COG1: variants seen among roughly 807,000 people sequenced by gnomAD.
COG1 encodes conserved oligomeric Golgi complex subunit 1.
COG1 carries 61 observed loss-of-function variants against 102.2 expected under a neutral mutation model. That is an observed-to-expected ratio of 0.60 (90% CI 0.49 to 0.74). The LOEUF (loss-of-function observed/expected upper bound fraction) is 0.74, where lower values mean the gene tolerates loss of function less well. COG1 is among the 30% of genes least tolerant of loss of function. COG1 has a pLI of 0.00. For synonymous variants in COG1, 454 were observed against 493.6 expected, an observed-to-expected ratio of 0.92 and a Z score of 1.06; for missense variants, 1,164 against 1,232.1, an observed-to-expected ratio of 0.94 and a Z score of 0.83.
rs552444067 is a variant in COG1 at position 73,197,145 on chromosome 17, G to A, written c.742+64G>A. On this transcript the variant is annotated intron_variant, in intron 3 of 13. Coordinates refer to ENST00000299886, the MANE Select transcript of COG1 (RefSeq NM_018714.3). ...TGGGATGGAGAAGGGTGAGCTGCGG[G>A]AGACTGAAGCCTCCAGAGCGTCCTC... The A allele has an allele frequency of 1.2e-5, 19 of 1,612,354 alleles. No homozygotes were observed. The African/African-American group carries it at 2.5e-4, about 21-fold the overall frequency.
At position 73,201,097 on chromosome 17, in the gene COG1, A is replaced by C. The variant is rs751375454; in HGVS notation, c.1282-12A>C. 1.2e-5 allele frequency: 20 copies of C among 1,612,186 alleles called. No individual in the cohort carries two copies. The highest frequency in any genetic ancestry group is 1.5e-5 in the Non-Finnish European group (18 of 1,178,580). On this transcript the variant is annotated splice_polypyrimidine_tract_variant and intron_variant, in intron 6 of 13. Coordinates refer to ENST00000299886, the MANE Select transcript of COG1 (RefSeq NM_018714.3). ...GAACTGTGATTAGAACTCTTCTCTC[A>C]TTCTCTTTTAGACTCTGACAAAAGA...
At position 73,206,281 on chromosome 17, in the gene COG1, A is replaced by G. The variant is rs1015750254; in HGVS notation, c.2619+19A>G. 4 of 1,591,140 alleles carry G rather than the reference A, an allele frequency of 2.5e-6. No individual in the cohort carries two copies. Among genetic ancestry groups the G allele is most frequent in the Non-Finnish European group, 3.5e-6 (4 of 1,158,970 alleles). On this transcript the variant is annotated intron_variant, in intron 11 of 13. Transcript: ENST00000299886. The stretch of plus-strand genomic sequence containing the variant: ...AACTTCTGTGAGTCAAATCAAAAAC[A>G]TGCTTAGTGCGAACGAAGCGATACA...
At chr17:73,202,579 G>A (rs184915959) in intron 7 of COG1, among the ~76,000 whole-genome samples, 1 of 152,184 alleles carries the variant, frequency 6.6e-6, no homozygotes, top group Non-Finnish European at 1.5e-5. Flanking sequence ...TGTGAACCCA[G>A]GAATTCAAGA....
chr17:73,200,477 G>A, intron 5 of COG1, 89 bp from the exon 6 acceptor site: 2 of 1,098,268 alleles, frequency 1.8e-6, no homozygotes, highest in Non-Finnish European at 1.4e-6. Context: ...TCAGATAAGA[G>A]ATTGTCAAAT....
chr17:73,200,562 G>T lies in COG1; in HGVS notation c.1071-4G>T, dbSNP rs777005207. The T allele has an allele frequency of 1.9e-6, 3 of 1,613,088 alleles. No homozygotes were observed. The South Asian group carries it at 3.3e-5, about 18-fold the overall frequency. On this transcript the variant is annotated splice_polypyrimidine_tract_variant and splice_region_variant and intron_variant, in intron 5 of 13. Transcript: ENST00000299886. ...GGAGCCCAAAGAACATGATTCTGTT[G>T]CAGGTGTAATGAAGACATTAAAAAT... is the stretch of plus-strand genomic sequence containing the variant.
At position 73,200,781 on chromosome 17, in the gene COG1, G is replaced by C; in HGVS notation, c.1281+5G>C. ...CTGTTCCTTGACCGATTACAGGTGA[G>C]CTGGACAGTCACATGGTCTACCTGT... On this transcript the variant is annotated splice_donor_5th_base_variant and intron_variant, in intron 6 of 13. Transcript: ENST00000299886. 2 of 1,613,352 alleles carry C rather than the reference G, an allele frequency of 1.2e-6. No individual in the cohort carries two copies. The highest frequency in any genetic ancestry group is 1.7e-6 in the Non-Finnish European group (2 of 1,179,320).
chr17:73,201,094 C>T lies in COG1; in HGVS notation c.1282-15C>T. ...AAGGAACTGTGATTAGAACTCTTCTCTCATTCTCTTTTAGACTCTGACAAA... is the reference window on the plus strand; with the variant it reads ...AAGGAACTGTGATTAGAACTCTTCTTTCATTCTCTTTTAGACTCTGACAAA... On this transcript the variant is annotated splice_polypyrimidine_tract_variant and intron_variant, in intron 6 of 13. Coordinates refer to ENST00000299886, the MANE Select transcript of COG1 (RefSeq NM_018714.3). 1 of 1,610,820 alleles carries T rather than the reference C, an allele frequency of 6.2e-7. No homozygotes were observed. The highest frequency in any genetic ancestry group is 8.5e-7 in the Non-Finnish European group (1 of 1,177,278).
Position 73,194,260 on chromosome 17 carries a change from G to A in COG1, c.315+876G>A, listed in dbSNP as rs976793423. ...GATCCAGACCATCCTGGCTAACACGGTGAAACCCCGTCTCTACTAAAAATA... is the reference window on the plus strand; with the variant it reads ...GATCCAGACCATCCTGGCTAACACGATGAAACCCCGTCTCTACTAAAAATA... On this transcript the variant is annotated intron_variant, in intron 1 of 13. Coordinates refer to ENST00000299886, the MANE Select transcript of COG1 (RefSeq NM_018714.3). Among the ~76,000 whole-genome samples, 9 of 147,808 alleles carry A rather than the reference G, an allele frequency of 6.1e-5. No homozygotes were observed. In the East Asian group the frequency reaches 1.8e-3, roughly 30 times the overall value.
intron 4 of COG1, among the ~76,000 whole-genome samples, chr17:73,197,837 G>A (rs941107294): frequency 1.3e-5 from 2 of 152,204 alleles, no homozygotes; most frequent in Non-Finnish European, 2.9e-5. Flanking sequence ...CATTGGGTGA[G>A]GGGGAGAGCT....
Position 73,201,118 on chromosome 17 carries a change from AAAG to A in COG1, c.1295_1297del (p.Glu432del), listed in dbSNP as rs1430800644. ...TCTCATTCTCTTTTAGACTCTGACAAAAGAAGGCTTTGACTCCATCTCCAGTAG... is the reference window on the plus strand; with the variant it reads ...TCTCATTCTCTTTTAGACTCTGACAAAAGGCTTTGACTCCATCTCCAGTAG... On this transcript the variant is annotated inframe_deletion, in exon 7 of 14. Coordinates refer to ENST00000299886, the MANE Select transcript of COG1 (RefSeq NM_018714.3). The A allele has an allele frequency of 6.2e-7, 1 of 1,614,002 alleles. No individual in the cohort carries two copies. Among genetic ancestry groups the A allele is most frequent in the African/African-American group, 1.3e-5 (1 of 74,936 alleles).
chr17:73,207,765 T>A lies in COG1; in HGVS notation c.2805+509T>A, dbSNP rs745909058. ...GTATTTCTGAATTGTGCTGTGTGCATGTGTGTTTGAAAGCTCAAACAGCTT... is the reference window on the plus strand; with the variant it reads ...GTATTTCTGAATTGTGCTGTGTGCAAGTGTGTTTGAAAGCTCAAACAGCTT... On this transcript the variant is annotated intron_variant, in intron 13 of 13. Transcript: ENST00000299886. 3 of 1,289,678 alleles carry A rather than the reference T, an allele frequency of 2.3e-6. No individual in the cohort carries two copies. In the South Asian group the frequency reaches 3.7e-5, roughly 16 times the overall value. 79.9% of individuals were successfully genotyped at this position (1,289,678 alleles called of 1,614,324 possible).
chr17:73,203,677 A>G lies in COG1; in HGVS notation c.2266A>G (p.Ile756Val). 1 of 1,614,232 alleles carries G rather than the reference A, an allele frequency of 6.2e-7. No individual in the cohort carries two copies. Among genetic ancestry groups the G allele is most frequent in the East Asian group, 2.2e-5 (1 of 44,890 alleles). ...QSFLFSLCQE[I>V]NRVGGHALPK... ...CTTCCTGTTTAGTTTATGCCAGGAA[A>G]TTAATCGGGTTGGAGGCCATGCCTT... The change falls in exon 9 of 14, where the codon ATT becomes GTT. Residue 756 changes from isoleucine to valine, a missense_variant. By Grantham distance (29) the Ile-to-Val change is conservative (BLOSUM62 3). Transcript: ENST00000299886.
intron 4 of COG1, among the ~76,000 whole-genome samples, chr17:73,198,988 A>G (rs1269429286): frequency 6.6e-6 from 1 of 152,156 alleles, no homozygotes; most frequent in Non-Finnish European, 1.5e-5. Flanking sequence ...CTTTCCCTCA[A>G]GGTGCTTACA....
In COG1 at chr17:73,203,668, T is replaced by C. The variant is rs752995558; in HGVS notation, c.2257T>C (p.Cys753Arg). 3 of 1,614,236 alleles carry C rather than the reference T, an allele frequency of 1.9e-6. No homozygotes were observed. The highest frequency in any genetic ancestry group is 2.5e-6 in the Non-Finnish European group (3 of 1,180,040). Residue 753 changes from cysteine to arginine, a missense_variant, in exon 9 of 14, where the codon TGC (cysteine) becomes CGC (arginine). By Grantham distance (180) the Cys-to-Arg change is radical (BLOSUM62 -3). Coordinates refer to ENST00000299886, the MANE Select transcript of COG1 (RefSeq NM_018714.3). The part of the protein sequence containing the change: ...WYVQSFLFSL[C>R]QEINRVGGHA... ...TGTACAGTCCTTCCTGTTTAGTTTA[T>C]GCCAGGAAATTAATCGGGTTGGAGG...
chr17:73,205,926 A>G (rs1377168213), intron 10 of COG1: 1 of 673,898 alleles, frequency 1.5e-6, no homozygotes, highest in Non-Finnish European at 2.6e-6. Context: ...GCTGAGTATC[A>G]TTTGAGCCCT....
At chr17:73,199,725 C>A in intron 4 of COG1, 140 bp from the exon 5 acceptor site, 2 of 940,030 alleles carry the variant, frequency 2.1e-6, no homozygotes, top group Non-Finnish European at 3.3e-6. Flanking sequence ...CAGGTGTGCA[C>A]CATGACGCCT....
At chr17:73,197,647 T>G (rs144896394) in intron 4 of COG1, among the ~76,000 whole-genome samples, 1 of 152,170 alleles carries the variant, frequency 6.6e-6, no homozygotes, top group Non-Finnish European at 1.5e-5. Flanking sequence ...CTTGGGAACA[T>G]TGAATGGAAG....
chr17:73,208,324 C>A lies in COG1; in HGVS notation c.2816C>A (p.Pro939Gln). 4 of 1,613,796 alleles carry A rather than the reference C, an allele frequency of 2.5e-6. No individual in the cohort carries two copies. Among genetic ancestry groups the A allele is most frequent in the Non-Finnish European group, 3.4e-6 (4 of 1,180,002 alleles). Residue 939 changes from proline (P) to glutamine (Q), a missense_variant, in exon 14 of 14, where the codon CCG becomes CAG. Coordinates refer to ENST00000299886, the MANE Select transcript of COG1 (RefSeq NM_018714.3). ...TACATCCAATGGCAGGTTGTCCCCC[C>A]GGCACGCTCCACAGCTGGTGACCCG... ...NIETKAQVVP[P>Q]ARSTAGDPTV...
Position 73,196,766 on chromosome 17 carries a change from C to T in COG1, c.560+15C>T, listed in dbSNP as rs201364732. The T allele has an allele frequency of 1.2e-4, 197 of 1,614,116 alleles. 1 individual carries two copies. Among genetic ancestry groups the T allele is most frequent in the Admixed American group, 2.2e-4 (13 of 60,020 alleles). On this transcript the variant is annotated intron_variant, in intron 2 of 13. Coordinates refer to ENST00000299886, the MANE Select transcript of COG1 (RefSeq NM_018714.3). ...AGCCACTTCCGGTAAGTGGATCCAG[C>T]GCAAAGAGCTGCTCTGGTGGTGGCC...
Sources: allele counts gnomAD v4.1 joint callset (sites outside exome capture counted in the v4.1 genomes callset), GRCh38; gene constraint gnomAD v4.1.1; transcripts MANE v1.5; gene names NCBI Gene and HGNC (gene_info 2026-07-23, HGNC 2026-07-21).